Variants in POGZ observed in about 807,000 individuals in gnomAD.
The protein encoded by POGZ is pogo transposable element derived with ZNF domain, also known as pogo transposable element with ZNF domain.
Under a neutral mutation model 134.6 loss-of-function variants are expected in POGZ, and 17 were observed. The observed-to-expected ratio is 0.13, with a 90% CI of 0.09 to 0.19. The LOEUF is 0.19. Among genes scored for constraint, POGZ ranks in the 10% least tolerant of loss-of-function variants. The pLI, the probability that POGZ is intolerant of heterozygous loss-of-function variation, is 1.00. For missense variants in POGZ, 1,306 were observed against 1,769.7 expected (o/e 0.74, Z 4.70); for synonymous variants, 693 against 657.1 (o/e 1.05, Z -0.84).
At chr1:151,424,450 G>C in intron 8 of POGZ, 164 bp from the exon 9 acceptor site, 1 of 549,102 alleles carries the variant, frequency 1.8e-6, no homozygotes, top group Non-Finnish European at 3.2e-6. Context: ...TCCTTTTCTA[G>C]AGTATATCCA....
At chr1:151,457,499 T>C (rs1160972802) in intron 1 of POGZ, among the ~76,000 whole-genome samples, 1 of 152,238 alleles carries the variant, frequency 6.6e-6, no homozygotes, top group Non-Finnish European at 1.5e-5. Flanking sequence ...TGAGAACGAT[T>C]GTGCTAACAG....
intron 1 of POGZ, among the ~76,000 whole-genome samples, chr1:151,451,880 T>C (rs943100441): frequency 4.6e-5 from 7 of 151,136 alleles, no homozygotes; most frequent in South Asian, 4.2e-4. Flanking sequence ...GTGGATCACC[T>C]CAGATCAGGA....
chr1:151,451,421 G>A (rs1017846673), intron 1 of POGZ, among the ~76,000 whole-genome samples: 1 of 151,678 alleles, frequency 6.6e-6, no homozygotes, highest in African/African-American at 2.4e-5. Flanking sequence ...TCACCTCCTG[G>A]GTGCAAGCGA....
chr1:151,455,901 T>TC (rs1557960859), intron 1 of POGZ, among the ~76,000 whole-genome samples: 2 of 147,042 alleles, frequency 1.4e-5, no homozygotes, highest in African/African-American at 4.9e-5. Context: ...TTTCTTTTTT[T>TC]TTTTTTTTTT....
intron 1 of POGZ, among the ~76,000 whole-genome samples, chr1:151,448,659 C>A (rs967779713): frequency 6.6e-6 from 1 of 151,970 alleles, no homozygotes; most frequent in Non-Finnish European, 1.5e-5. Context: ...CCCAGAGGTT[C>A]GAGACCAGCC....
At chr1:151,433,379 G>A (rs1475037321) in intron 3 of POGZ, among the ~76,000 whole-genome samples, 1 of 151,996 alleles carries the variant, frequency 6.6e-6, no homozygotes, top group African/African-American at 2.4e-5. Flanking sequence ...AGGCTGAGGT[G>A]GGTGGATCAC....
intron 1 of POGZ, among the ~76,000 whole-genome samples, chr1:151,453,689 T>C (rs569332025): frequency 5.3e-5 from 8 of 152,314 alleles, no homozygotes; most frequent in Non-Finnish European, 8.8e-5. Context: ...ACAGAACTAT[T>C]AGCAATACTC....
intron 12 of POGZ, among the ~76,000 whole-genome samples, chr1:151,410,658 C>T (rs1021832465): frequency 6.6e-6 from 1 of 152,176 alleles, no homozygotes; most frequent in African/African-American, 2.4e-5. Context: ...ATTCCTAAAT[C>T]TTTTCTACAA....
intron 10 of POGZ, among the ~76,000 whole-genome samples, chr1:151,412,743 C>G (rs1057079955): frequency 6.6e-6 from 1 of 152,154 alleles, no homozygotes; most frequent in Non-Finnish European, 1.5e-5. Context: ...AATTTAGGCA[C>G]TATCTCGGAT....
chr1:151,427,327 C>G (rs1657954202), intron 7 of POGZ: 1 of 157,444 alleles, frequency 6.4e-6, no homozygotes, highest in Admixed American at 6.0e-5. Context: ...CATGCTCATT[C>G]GTTTATGTAT....
intron 10 of POGZ, among the ~76,000 whole-genome samples, chr1:151,416,382 G>C (rs752056195): frequency 2.0e-5 from 3 of 151,840 alleles, no homozygotes; most frequent in Non-Finnish European, 4.4e-5. Flanking sequence ...CATGCCTGTA[G>C]TCCCAGCTAC....
At chr1:151,406,814 T>C in intron 17 of POGZ, 97 bp downstream of exon 17, 2 of 1,024,308 alleles carry the variant, frequency 2.0e-6, no homozygotes, top group South Asian at 1.4e-5. Flanking sequence ...CAACAGTGAA[T>C]GAGTGAGGCC....
Position 151,423,648 on chromosome 1 carries a change from C to T in POGZ, c.1524-97G>A, listed in dbSNP as rs577402905. ...AATCACAGAACAAACATTATCTGCT[C>T]CCCTCCATTCCCCAGACTTCCTGTT... On this transcript the variant is annotated intron_variant, in intron 9 of 18. Coordinates refer to ENST00000271715, the MANE Select transcript of POGZ (RefSeq NM_015100.4). 1.3e-4 allele frequency: 116 copies of T among 909,010 alleles called. No individual in the cohort carries two copies. The South Asian group carries it at 1.9e-3, about 15-fold the overall frequency. The allele number at this position is 909,010 out of a possible 1,614,324, so 56.3% of individuals were successfully genotyped here. A position where few individuals can be genotyped will look rare whatever the true frequency, so the allele number is the denominator to read the frequency against.
chr1:151,430,609 C>G (rs1461177386), intron 4 of POGZ, 57 bp downstream of exon 4: 1 of 1,370,420 alleles, frequency 7.3e-7, no homozygotes, highest in African/African-American at 1.5e-5. Context: ...TCAGAGTTTT[C>G]AGAGGTTTAT....
intron 8 of POGZ, 98 bp downstream of exon 8, chr1:151,424,857 G>T: frequency 1.5e-6 from 1 of 669,868 alleles, no homozygotes; most frequent in Non-Finnish European, 2.7e-6. Flanking sequence ...CCTTTAAAAA[G>T]CTTCAGTCAT....
Position 151,413,658 on chromosome 1 carries a change from T to C in POGZ, c.1679-1262A>G, listed in dbSNP as rs550293444. Among the ~76,000 whole-genome samples the C allele has an allele frequency of 8.4e-4, 128 of 152,044 alleles. 1 individual carries two copies. The highest frequency in any genetic ancestry group is 2.9e-3 in the African/African-American group (122 of 41,440). On this transcript the variant is annotated intron_variant, in intron 10 of 18. Coordinates refer to ENST00000271715, the MANE Select transcript of POGZ (RefSeq NM_015100.4). ...ATGAATAAAGTTGAAATAATTCTTT[T>C]TTCTTTTTTTAACTACCGAGAACCC...
At chr1:151,449,786 C>T (rs1661788631) in intron 1 of POGZ, among the ~76,000 whole-genome samples, 1 of 152,062 alleles carries the variant, frequency 6.6e-6, no homozygotes, top group South Asian at 2.1e-4. Flanking sequence ...ATCCCAGCTA[C>T]TCGGGAGGCT....
At chr1:151,415,746 C>T (rs1341556520) in intron 10 of POGZ, among the ~76,000 whole-genome samples, 1 of 149,586 alleles carries the variant, frequency 6.7e-6, no homozygotes, top group African/African-American at 2.5e-5. Context: ...GGAATAATAA[C>T]TAACAGTCTT....
At chr1:151,457,476 T>C (rs752457730) in intron 1 of POGZ, among the ~76,000 whole-genome samples, 7 of 152,212 alleles carry the variant, frequency 4.6e-5, no homozygotes, top group Non-Finnish European at 4.4e-5. Flanking sequence ...TTACTTTTTA[T>C]GCACCCCGAA....
Sources: gnomAD v4.1 joint callset for allele counts (sites outside exome capture counted in the v4.1 genomes callset) on GRCh38, gnomAD v4.1.1 for gene constraint, MANE v1.5 for transcripts, NCBI Gene and HGNC (gene_info 2026-07-23, HGNC 2026-07-21) for gene names.